CCNB2: variants seen among roughly 807,000 people sequenced by gnomAD.
CCNB2 encodes the protein G2/mitotic-specific cyclin-B2.
In CCNB2, 39 loss-of-function variants were observed where a neutral mutation model predicts 51.1. That is an observed-to-expected ratio of 0.76 (90% CI 0.59 to 1.00). The LOEUF is 1.00. Ranked by LOEUF, CCNB2 falls within the 50% of genes least tolerant of loss-of-function variation. The pLI is 0.00. For missense variants in CCNB2, 472 were observed against 470.3 expected, an observed-to-expected ratio of 1.00 and a Z score of -0.03; for synonymous variants, 174 against 165.5, an observed-to-expected ratio of 1.05 and a Z score of -0.40.
At chr15:59,114,327 T>C (rs1002322962) in intron 3 of CCNB2, 117 bp from the exon 4 acceptor site, 2 of 692,808 alleles carry the variant, frequency 2.9e-6, no homozygotes, top group Middle Eastern at 2.9e-4. Context: ...GGTATGAAAT[T>C]TGTTGTGTCT....
intron 7 of CCNB2, among the ~76,000 whole-genome samples, chr15:59,122,940 A>G (rs2079309375): frequency 6.6e-6 from 1 of 152,214 alleles, no homozygotes; most frequent in African/African-American, 2.4e-5. Context: ...TTGGTGTGGT[A>G]GTGTCTAAGT....
intron 8 of CCNB2, chr15:59,124,399 G>T: frequency 4.1e-6 from 1 of 246,398 alleles, no homozygotes; most frequent in Non-Finnish European, 7.9e-6. Flanking sequence ...GTCTTTTATT[G>T]TCTTTTAATT....
chr15:59,109,033 G>A (rs1302933158), intron 3 of CCNB2, among the ~76,000 whole-genome samples: 1 of 152,190 alleles, frequency 6.6e-6, no homozygotes, highest in Non-Finnish European at 1.5e-5. Context: ...CATCGCAGGA[G>A]GGCGATTTGG....
At chr15:59,107,899 T>C (rs1015162113) in intron 3 of CCNB2, among the ~76,000 whole-genome samples, 20 of 152,130 alleles carry the variant, frequency 1.3e-4, no homozygotes, top group Non-Finnish European at 2.5e-4. Context: ...TTTGAGAGGC[T>C]GAGGCAGGAG....
At chr15:59,123,049 GTTTA>G (rs1209749647) in intron 7 of CCNB2, among the ~76,000 whole-genome samples, 1 of 152,174 alleles carries the variant, frequency 6.6e-6, no homozygotes, top group African/African-American at 2.4e-5. Flanking sequence ...TTGTAGCACA[GTTTA>G]TTTCTTATTT....
chr15:59,107,431 G>T lies in CCNB2; in HGVS notation c.134G>T (p.Arg45Ile). 4.3e-6 allele frequency: 7 copies of T among 1,613,866 alleles called. No homozygotes were observed. Among genetic ancestry groups the T allele is most frequent in the Non-Finnish European group, 5.9e-6 (7 of 1,179,996 alleles). Residue 45 changes from arginine (R) to isoleucine (I), a missense_variant, in exon 2 of 9, where the codon AGA (arginine) becomes ATA (isoleucine). Physicochemically the swap from Arg to Ile is moderately conservative, Grantham distance 97. Coordinates refer to ENST00000288207, the MANE Select transcript of CCNB2 (RefSeq NM_004701.4). The stretch of plus-strand genomic sequence containing the variant: ...GAAATTGGAAATAGAGTTACAACCA[G>T]AGCAGCACAAGTAGCTAAGGTAACA... ...LEEIGNRVTT[R>I]AAQVAKKAQN...
At chr15:59,124,391 CTTTTATTGTCTT>C in intron 8 of CCNB2, 2 of 238,642 alleles carry the variant, frequency 8.4e-6, no homozygotes, top group South Asian at 1.0e-4. Context: ...CTTTTATTGT[CTTTTATTGTCTT>C]TTAATTGTTC....
intron 3 of CCNB2, among the ~76,000 whole-genome samples, chr15:59,113,595 G>T (rs1191547637): frequency 6.6e-6 from 1 of 152,150 alleles, no homozygotes; most frequent in African/African-American, 2.4e-5. Context: ...AGAAGTATAG[G>T]CTTTATGAGA....
chr15:59,114,660 A>G (rs778950981), intron 4 of CCNB2, 46 bp downstream of exon 4: 2 of 1,587,060 alleles, frequency 1.3e-6, no homozygotes, highest in African/African-American at 1.4e-5. Flanking sequence ...TGTGGAATTT[A>G]CCACACAGCT....
intron 3 of CCNB2, among the ~76,000 whole-genome samples, chr15:59,112,870 T>TA (rs1596330757): frequency 6.6e-6 from 1 of 151,528 alleles, no homozygotes; most frequent in East Asian, 2.0e-4. Flanking sequence ...CCGTCTCTAC[T>TA]AAAAATACAA....
intron 3 of CCNB2, among the ~76,000 whole-genome samples, chr15:59,109,139 C>G (rs1368992284): frequency 6.6e-6 from 1 of 152,182 alleles, no homozygotes; most frequent in Non-Finnish European, 1.5e-5. Flanking sequence ...CAACCTCCGC[C>G]TCCCGGGTTC....
At chr15:59,117,179 A>T in intron 6 of CCNB2, 49 bp from the exon 7 acceptor site, 1 of 1,592,046 alleles carries the variant, frequency 6.3e-7, no homozygotes, top group Non-Finnish European at 8.6e-7. Flanking sequence ...ATTTTGCAAG[A>T]CAGTAATTAC....
At position 59,116,861 on chromosome 15, in the gene CCNB2, T is replaced by C. The variant is rs373689526; in HGVS notation, c.769T>C (p.Leu257=). ...REMETLILKE[L]KFELGRPLPL... ...AATGGAAACTCTAATTTTGAAAGAA[T>C]TGAAATTTGAGTTGGGTCGACCCTT... is the stretch of plus-strand genomic sequence containing the variant. Residue 257 remains leucine, a synonymous_variant, in exon 6 of 9, where the codon TTG becomes CTG. Coordinates refer to ENST00000288207, the MANE Select transcript of CCNB2 (RefSeq NM_004701.4). The C allele has an allele frequency of 7.4e-6, 12 of 1,614,170 alleles. No individual in the cohort carries two copies. Among genetic ancestry groups the C allele is most frequent in the African/African-American group, 5.3e-5 (4 of 75,046 alleles).
Position 59,116,909 on chromosome 15 carries a change from G to A in CCNB2, c.817G>A (p.Ala273Thr). Reference sequence around the variant, plus strand: ...CTTGCCACTACACTTCTTAAGGCGAGCATCAAAAGCCGGGGAGGTAAGTGC... The same window carrying A: ...CTTGCCACTACACTTCTTAAGGCGAACATCAAAAGCCGGGGAGGTAAGTGC... ...RPLPLHFLRR[A>T]SKAGEVDVEQ... Residue 273 changes from alanine to threonine, a missense_variant, in exon 6 of 9, where the codon GCA becomes ACA. Physicochemically the swap from Ala to Thr is moderately conservative, Grantham distance 58. Coordinates refer to ENST00000288207, the MANE Select transcript of CCNB2 (RefSeq NM_004701.4). 6.2e-7 allele frequency: 1 copy of A among 1,613,608 alleles called. No individual in the cohort carries two copies. The highest frequency in any genetic ancestry group is 8.5e-7 in the Non-Finnish European group (1 of 1,179,548).
Position 59,113,906 on chromosome 15 carries a change from T to C in CCNB2, c.268-538T>C, listed in dbSNP as rs555050297. Among the ~76,000 whole-genome samples, 3 of 152,354 alleles carry C rather than the reference T, an allele frequency of 2.0e-5. No individual in the cohort carries two copies. In the East Asian group the frequency reaches 5.8e-4, roughly 29 times the overall value. On this transcript the variant is annotated intron_variant, in intron 3 of 8. Transcript: ENST00000288207. ...AAGTAGAGATGGGGTTTTGCCATATTGGCCAGGCTGGTCTTGAACTCCGGG... is the reference window on the plus strand; with the variant it reads ...AAGTAGAGATGGGGTTTTGCCATATCGGCCAGGCTGGTCTTGAACTCCGGG...
intron 3 of CCNB2, 69 bp from the exon 4 acceptor site, chr15:59,114,375 A>T: frequency 2.5e-6 from 3 of 1,193,460 alleles, no homozygotes; most frequent in Non-Finnish European, 3.5e-6. Context: ...ATTGATATTT[A>T]AGCCAGTTGG....
At position 59,110,296 on chromosome 15, in the gene CCNB2, C is replaced by T. The variant is rs1409791326; in HGVS notation, c.267+2626C>T. 2.0e-5 allele frequency among the ~76,000 whole-genome samples: 3 copies of T among 152,256 alleles called. No homozygotes were observed. In the South Asian group the frequency reaches 6.2e-4, roughly 32 times the overall value. On this transcript the variant is annotated intron_variant, in intron 3 of 8. Transcript: ENST00000288207. Reference sequence around the variant, plus strand: ...CCCGTAGCTCAGTTCATATAAAAATCAATTCCAGGGTTGAAACATATAGCT... The same window carrying T: ...CCCGTAGCTCAGTTCATATAAAAATTAATTCCAGGGTTGAAACATATAGCT...
intron 8 of CCNB2, chr15:59,124,457 C>T (rs2079316685): frequency 2.7e-6 from 1 of 370,240 alleles, no homozygotes; most frequent in Non-Finnish European, 5.0e-6. Context: ...CCTGATGGCA[C>T]TTAGGTGTCG....
At chr15:59,120,781 A>G (rs1243038141) in intron 7 of CCNB2, among the ~76,000 whole-genome samples, 1 of 152,236 alleles carries the variant, frequency 6.6e-6, no homozygotes, top group East Asian at 1.9e-4. Flanking sequence ...GTCTCAATTT[A>G]TCATCCCATA....
Sources: allele counts gnomAD v4.1 joint callset (sites outside exome capture counted in the v4.1 genomes callset), GRCh38; gene constraint gnomAD v4.1.1; transcripts MANE v1.5; gene names NCBI Gene and HGNC (gene_info 2026-07-23, HGNC 2026-07-21).